Variants in COL9A3 observed in about 807,000 individuals in gnomAD.
COL9A3 encodes collagen type IX alpha 3 chain.
Under a neutral mutation model 110.2 loss-of-function variants are expected in COL9A3, and 82 were observed. The observed-to-expected ratio is 0.74, with a 90% CI of 0.62 to 0.89. The LOEUF is 0.89. Among genes scored for constraint, COL9A3 ranks in the 40% least tolerant of loss-of-function variants. COL9A3 has a pLI of 0.00. For missense variants in COL9A3, 1,066 were observed against 981.3 expected (o/e 1.09, Z -1.15); for synonymous variants, 494 against 403.8 (o/e 1.22, Z -2.68).
At chr20:62,831,538 C>G (rs2063597219) in intron 24 of COL9A3, 1 of 163,212 alleles carries the variant, frequency 6.1e-6, no homozygotes, top group African/African-American at 2.4e-5. Flanking sequence ...TTATTGGCCT[C>G]CAGGCAGGAC....
At chr20:62,830,906 C>T (rs1233697772) in intron 24 of COL9A3, among the ~76,000 whole-genome samples, 2 of 150,666 alleles carry the variant, frequency 1.3e-5, no homozygotes, top group African/African-American at 2.4e-5. Flanking sequence ...ATCAGGGCCC[C>T]GACTGTGGCG....
chr20:62,829,091 T>C, intron 19 of COL9A3, 115 bp downstream of exon 19: 2 of 1,173,016 alleles, frequency 1.7e-6, no homozygotes, highest in South Asian at 1.4e-5. Flanking sequence ...TGAGGGGTTC[T>C]GGGGCCTGTG....
chr20:62,833,444 C>G (rs1357212477), intron 26 of COL9A3, among the ~76,000 whole-genome samples: 1 of 152,240 alleles, frequency 6.6e-6, no homozygotes, highest in East Asian at 1.9e-4. Context: ...CACTCTGTCA[C>G]CCAGGCTGGA....
intron 22 of COL9A3, among the ~76,000 whole-genome samples, chr20:62,830,050 C>T (rs372516177): frequency 3.3e-4 from 51 of 152,292 alleles, no homozygotes; most frequent in African/African-American, 1.2e-3. Flanking sequence ...CTGAGCCCAG[C>T]CTTGTGCCCC....
In COL9A3 at chr20:62,833,078, T is replaced by C. The variant is rs969507736; in HGVS notation, c.1368+14T>C. On this transcript the variant is annotated intron_variant, in intron 26 of 31. Coordinates refer to ENST00000649368, the MANE Select transcript of COL9A3 (RefSeq NM_001853.4). ...AAAGGAGAACTGGTGAGTAATTAGG[T>C]AACCTCACTGTTACCAACAGCTGGG... The C allele has an allele frequency of 1.2e-6, 2 of 1,608,912 alleles. No individual in the cohort carries two copies. Among genetic ancestry groups the C allele is most frequent in the African/African-American group, 1.3e-5 (1 of 74,758 alleles).
Position 62,836,262 on chromosome 20 carries a change from G to C in COL9A3, c.1477G>C (p.Gly493Arg). ...NGTSGVQGVP[G>R]PPGPLGLQGV... is the part of the protein sequence containing the mutation. ...CACCAGCGGTGTTCAGGGTGTCCCC[G>C]GGCCCCCCGGTCCTCTGGGCCTGCA... The change falls in exon 28 of 32, where the codon GGG (glycine) becomes CGG (arginine). Residue 493 changes from glycine to arginine, a missense_variant. Transcript: ENST00000649368. 6.2e-7 allele frequency: 1 copy of C among 1,613,778 alleles called. No individual in the cohort carries two copies.
chr20:62,824,203 C>T (rs576637030), intron 10 of COL9A3, among the ~76,000 whole-genome samples: 1 of 135,880 alleles, frequency 7.4e-6, no homozygotes, highest in African/African-American at 2.8e-5. Flanking sequence ...AGTGGCCTCC[C>T]GGGGCCCCGT....
chr20:62,822,594 C>T lies in COL9A3; in HGVS notation c.481C>T (p.His161Tyr), dbSNP rs150207068. ...GPPGPPGPPG[H>Y]PGVLPEGATD... is the part of the protein sequence containing the mutation. Reference sequence around the variant, plus strand: ...CAGCTGTCTCTTTTTGTCTTAGGGACACCCAGGAGTCCTCCCTGAAGGCGC... The same window carrying T: ...CAGCTGTCTCTTTTTGTCTTAGGGATACCCAGGAGTCCTCCCTGAAGGCGC... Residue 161 changes from histidine to tyrosine, a missense_variant, in exon 10 of 32, where the codon CAC (histidine) becomes TAC (tyrosine). Physicochemically the swap from His to Tyr is moderately conservative, Grantham distance 83 (BLOSUM62 2). Coordinates refer to ENST00000649368, the MANE Select transcript of COL9A3 (RefSeq NM_001853.4). 93 of 1,612,480 alleles carry T rather than the reference C, an allele frequency of 5.8e-5. No homozygotes were observed. The African/African-American group carries it at 6.7e-4, about 12-fold the overall frequency.
At position 62,828,766 on chromosome 20, in the gene COL9A3, C is replaced by T. The variant is rs1226152391; in HGVS notation, c.903C>T (p.Gly301=). 4 of 1,612,800 alleles carry T rather than the reference C, an allele frequency of 2.5e-6. No homozygotes were observed. The highest frequency in any genetic ancestry group is 3.4e-6 in the Non-Finnish European group (4 of 1,179,898). ...CCTTACTCATCCCTTGTCCCCAGGG[C>T]ATGCCGGGCAAGGACGGCCAGAATG... ...PGVAGPSGEP[G]MPGKDGQNGV... Residue 301 remains glycine (G), a splice_region_variant and synonymous_variant, in exon 18 of 32, where the codon GGC becomes GGT. Transcript: ENST00000649368.
intron 30 of COL9A3, among the ~76,000 whole-genome samples, chr20:62,837,920 C>T (rs1417732693): frequency 2.0e-5 from 3 of 152,196 alleles, no homozygotes; most frequent in African/African-American, 7.2e-5. Flanking sequence ...AGTTCAAGAC[C>T]AGCCTGGTCA....
In COL9A3 at chr20:62,817,141, A is replaced by C. The variant is rs1035932317; in HGVS notation, c.77A>C (p.Gln26Pro). Residue 26 changes from glutamine to proline, a missense_variant and splice_region_variant, in exon 1 of 32, where the codon CAG becomes CCG. Transcript: ENST00000649368. ...GAGCTTCTGGCGGCCGCCGGGGCGCAGGTGAGCGCGAGCTCCGGGCTCTGA... is the reference window on the plus strand; with the variant it reads ...GAGCTTCTGGCGGCCGCCGGGGCGCCGGTGAGCGCGAGCTCCGGGCTCTGA... ...LGELLAAAGA[Q>P]RVGLPGPPGP... is the part of the protein sequence containing the mutation. 14 of 1,393,940 alleles carry C rather than the reference A, an allele frequency of 1.0e-5. No homozygotes were observed. The African/African-American group carries it at 2.1e-4, about 21-fold the overall frequency. 86.3% of individuals were successfully genotyped at this position (1,393,940 alleles called of 1,614,324 possible).
At chr20:62,832,075 A>C in intron 24 of COL9A3, 79 bp from the exon 25 acceptor site, 1 of 1,386,312 alleles carries the variant, frequency 7.2e-7, no homozygotes, top group Non-Finnish European at 1.0e-6. Flanking sequence ...GGAGGTGTTT[A>C]CCATTCCTGG....
intron 16 of COL9A3, 64 bp from the exon 17 acceptor site, chr20:62,827,859 G>C: frequency 9.0e-6 from 14 of 1,561,696 alleles, no homozygotes; most frequent in Non-Finnish European, 1.2e-5. Context: ...GCAGCTGGCC[G>C]GAGAATGCGT....
At position 62,836,207 on chromosome 20, in the gene COL9A3, G is replaced by T. The variant is rs371606264; in HGVS notation, c.1422G>T (p.Leu474=). ...TGCAGTCTGGCAGTCGAGGGGAGCT[G>T]GGCCCCAAAGGCACCCAGGGTCCCA... ...PKGESGSRGE[L]GPKGTQGPNG... is the part of the protein sequence containing the mutation. The change falls in exon 28 of 32, where the codon CTG becomes CTT. Residue 474 remains leucine, a synonymous_variant. Transcript: ENST00000649368. 2.1e-5 allele frequency: 34 copies of T among 1,613,360 alleles called. No homozygotes were observed. The highest frequency in any genetic ancestry group is 2.7e-5 in the Non-Finnish European group (32 of 1,179,964).
At position 62,838,755 on chromosome 20, in the gene COL9A3, C is replaced by T; in HGVS notation, c.1858C>T (p.Pro620Ser). ...GGACGGGCCTGAAGGAGACCAGGGGCCCCAAGGTACGAGTCCACGGCCAGC... is the reference window on the plus strand; with the variant it reads ...GGACGGGCCTGAAGGAGACCAGGGGTCCCAAGGTACGAGTCCACGGCCAGC... ...GLDGPEGDQGPQGPQGVPGTS... is the reference protein window; with the variant it reads ...GLDGPEGDQGSQGPQGVPGTS... The change falls in exon 31 of 32, where the codon CCC becomes TCC. Residue 620 changes from proline (P) to serine (S), a missense_variant. Physicochemically the swap from Pro to Ser is moderately conservative, Grantham distance 74 (BLOSUM62 -1). Transcript: ENST00000649368. 1.3e-6 allele frequency: 2 copies of T among 1,551,590 alleles called. No individual in the cohort carries two copies. Among genetic ancestry groups the T allele is most frequent in the South Asian group, 2.4e-5 (2 of 84,060 alleles).
chr20:62,825,103 G>T (rs1391813597), intron 12 of COL9A3, 82 bp downstream of exon 12: 2 of 474,234 alleles, frequency 4.2e-6, no homozygotes, highest in Non-Finnish European at 8.4e-6. Flanking sequence ...GGGCTCCGGC[G>T]GGAGGGAGGG....
rs1318527884 is a variant in COL9A3 at position 62,840,991 on chromosome 20, T to C, written c.*259T>C. On this transcript the variant is annotated 3_prime_UTR_variant, in exon 32 of 32. Transcript: ENST00000649368. ...GGTAGGGTGTGTATATATAAAAGGTTGTGTACAACTCCACGAGGTGAAAAA... is the reference window on the plus strand; with the variant it reads ...GGTAGGGTGTGTATATATAAAAGGTCGTGTACAACTCCACGAGGTGAAAAA... 6.0e-6 allele frequency: 3 copies of C among 496,212 alleles called. No homozygotes were observed. The highest frequency in any genetic ancestry group is 1.1e-5 in the Non-Finnish European group (3 of 273,096). 30.7% of individuals were successfully genotyped at this position (496,212 alleles called of 1,614,324 possible). A position where few individuals can be genotyped will look rare whatever the true frequency, so the allele number is the denominator to read the frequency against.
At position 62,821,508 on chromosome 20, in the gene COL9A3, G is replaced by T. The variant is rs1301590642; in HGVS notation, c.347G>T (p.Gly116Val). ...LGPPGPPGLG[G>V]KGLPGPPGEA... ...CTGACCCCATGTTTGGCTTTGCAGG[G>T]CAAAGGCCTCCCTGGACCCCCCGTG... is the stretch of plus-strand genomic sequence containing the variant. Residue 116 changes from glycine (G) to valine (V), a missense_variant and splice_region_variant, in exon 7 of 32, where the codon GGC becomes GTC. By Grantham distance (109) the Gly-to-Val change is moderately radical (BLOSUM62 -3). Coordinates refer to ENST00000649368, the MANE Select transcript of COL9A3 (RefSeq NM_001853.4). 1 of 1,612,736 alleles carries T rather than the reference G, an allele frequency of 6.2e-7. No homozygotes were observed. Among genetic ancestry groups the T allele is most frequent in the Non-Finnish European group, 8.5e-7 (1 of 1,179,942 alleles).
intron 23 of COL9A3, 36 bp downstream of exon 23, chr20:62,830,449 G>T: frequency 6.3e-7 from 1 of 1,579,002 alleles, no homozygotes; most frequent in East Asian, 2.3e-5. Context: ...GGCATGGGGG[G>T]CGGCACACCC....
Sources: gnomAD v4.1 joint callset for allele counts (sites outside exome capture counted in the v4.1 genomes callset) on GRCh38, gnomAD v4.1.1 for gene constraint, MANE v1.5 for transcripts, NCBI Gene and HGNC (gene_info 2026-07-23, HGNC 2026-07-21) for gene names.